The following PCM1 variants were observed in gnomAD, a reference collection of about 807,000 sequenced individuals.
PCM1 encodes the protein pericentriolar material 1, also known as pericentriolar material 1 protein.
Under a neutral mutation model 241.9 loss-of-function variants are expected in PCM1, and 157 were observed. The observed-to-expected ratio is 0.65, with a 90% CI of 0.57 to 0.74. The LOEUF is 0.74. PCM1 is among the 30% of genes least tolerant of loss of function. The pLI is 0.00. For synonymous variants in PCM1, 1,085 were observed against 784.9 expected (o/e 1.38, Z -6.39); for missense variants, 3,478 against 2,360.1 (o/e 1.47, Z -9.81).
chr8:18,000,839 C>T (rs2089127805), intron 29 of PCM1, among the ~76,000 whole-genome samples: 1 of 152,128 alleles, frequency 6.6e-6, no homozygotes, highest in Non-Finnish European at 1.5e-5. Flanking sequence ...ACCACGCTGA[C>T]CTCAAGTGAT....
At chr8:17,986,153 G>T (rs2082512116) in intron 26 of PCM1, 66 bp downstream of exon 26, 1 of 1,136,024 alleles carries the variant, frequency 8.8e-7, no homozygotes, top group Non-Finnish European at 1.2e-6. Context: ...AAGTTAAATA[G>T]ATTATTGTCA....
intron 23 of PCM1, among the ~76,000 whole-genome samples, chr8:17,973,034 C>T (rs1348702850): frequency 6.6e-6 from 1 of 151,956 alleles, no homozygotes; most frequent in Non-Finnish European, 1.5e-5. Flanking sequence ...TTGGTCATGA[C>T]TTTTAGATGG....
chr8:17,963,217 A>G lies in PCM1; in HGVS notation c.2580A>G (p.Ala860=). Residue 860 remains alanine, a synonymous_variant, in exon 17 of 39, where the codon GCA becomes GCG. Transcript: ENST00000325083. ...HQRRQGLAET[A]SPVAVSLRSD... Reference sequence around the variant, plus strand: ...GGAGGCAAGGTCTAGCTGAAACTGCATCTCCAGTGGCTGTGTCATTGAGAA... The same window carrying G: ...GGAGGCAAGGTCTAGCTGAAACTGCGTCTCCAGTGGCTGTGTCATTGAGAA... 1.2e-6 allele frequency: 2 copies of G among 1,613,720 alleles called. No individual in the cohort carries two copies. The highest frequency in any genetic ancestry group is 1.7e-6 in the Non-Finnish European group (2 of 1,179,742).
At position 17,991,833 on chromosome 8, in the gene PCM1, ATTG is replaced by A. The variant is rs2084751286; in HGVS notation, c.4690+136_4690+138del. On this transcript the variant is annotated intron_variant, in intron 28 of 38. Transcript: ENST00000325083. ...GCAGTATACACTGTACCCAGTGTGT[ATTG>A]TTTGATCCCTCACCCCCTTCCCACC... The A allele has an allele frequency of 8.9e-6, 5 of 560,024 alleles. No individual in the cohort carries two copies. The Admixed American group carries it at 1.4e-4, about 16-fold the overall frequency. The allele number at this position is 560,024 out of a possible 1,614,324, so 34.7% of individuals were successfully genotyped here.
In PCM1 at chr8:18,011,167, G is replaced by C. The variant is rs117750791; in HGVS notation, c.5221-70G>C. 8 of 1,024,584 alleles carry C rather than the reference G, an allele frequency of 7.8e-6. No individual in the cohort carries two copies. The African/African-American group carries it at 1.2e-4, about 15-fold the overall frequency. The allele number at this position is 1,024,584 out of a possible 1,614,324, so 63.5% of individuals were successfully genotyped here. A position where few individuals can be genotyped will look rare whatever the true frequency, so the allele number is the denominator to read the frequency against. ...ATTAGATAATGATCATTATTAATAC[G>C]ATAGACTTACTATATACCTTTTACA... On this transcript the variant is annotated intron_variant, in intron 32 of 38. Transcript: ENST00000325083.
At chr8:17,970,088 C>T (rs2285310) in intron 22 of PCM1, among the ~76,000 whole-genome samples, 30,462 of 152,006 alleles carry the variant, frequency 0.2, 3,955 homozygotes, top group East Asian at 0.38. Context: ...GTGATGATCC[C>T]TTTTTTTGAT....
chr8:17,969,004 G>C (rs2075996801), intron 21 of PCM1, among the ~76,000 whole-genome samples: 2 of 151,092 alleles, frequency 1.3e-5, no homozygotes, highest in South Asian at 4.2e-4. Context: ...TACAATTTTT[G>C]TGAAACCTTC....
intron 23 of PCM1, among the ~76,000 whole-genome samples, chr8:17,974,424 C>T (rs532060498): frequency 6.6e-6 from 1 of 152,276 alleles, no homozygotes; most frequent in African/African-American, 2.4e-5. Flanking sequence ...TCTGATAGGG[C>T]AATACTTCAT....
intron 21 of PCM1, among the ~76,000 whole-genome samples, chr8:17,968,750 G>GTA (rs1366784359): frequency 3.2e-5 from 4 of 125,044 alleles, no homozygotes; most frequent in Admixed American, 7.7e-5. Flanking sequence ...GTGTGTGTGT[G>GTA]TGTGTGTGTG....
intron 23 of PCM1, among the ~76,000 whole-genome samples, chr8:17,977,616 C>A (rs2079213903): frequency 6.6e-6 from 1 of 152,088 alleles, no homozygotes; most frequent in Non-Finnish European, 1.5e-5. Context: ...ATTAACCCTT[C>A]CCCTTACCCC....
intron 29 of PCM1, 35 bp from the exon 30 acceptor site, chr8:18,006,228 A>G: frequency 6.6e-7 from 1 of 1,509,452 alleles, no homozygotes; most frequent in Non-Finnish European, 9.0e-7. Context: ...AACAATAGGT[A>G]AGTTTATATT....
rs538970968 is a variant in PCM1, at chr8:17,970,252, G to A, written c.3584+504G>A. On this transcript the variant is annotated intron_variant, in intron 22 of 38. Transcript: ENST00000325083. ...CTTCTGAAACAGAGTTTTTGACTCA[G>A]TGTGAAAGGTTGGCTCCGTTGAACC... Among the ~76,000 whole-genome samples, 12 of 152,220 alleles carry A rather than the reference G, an allele frequency of 7.9e-5. No individual in the cohort carries two copies. The South Asian group carries it at 2.1e-3, about 26-fold the overall frequency.
chr8:18,014,994 A>C lies in PCM1; in HGVS notation c.5841+154A>C, dbSNP rs191604330. On this transcript the variant is annotated intron_variant, in intron 36 of 38. Coordinates refer to ENST00000325083, the MANE Select transcript of PCM1 (RefSeq NM_006197.4). ...CTAATTCACACTTTAACTTTAGCAG[A>C]AGGGTAATAGTGAATTAAGATGACC... 1.5e-3 allele frequency among the ~76,000 whole-genome samples: 231 copies of C among 152,292 alleles called. 2 individuals carry two copies. The highest frequency in any genetic ancestry group is 1.2e-3 in the Non-Finnish European group (84 of 68,028).
At chr8:17,961,950 G>C (rs2072439266) in intron 15 of PCM1, 84 bp from the exon 16 acceptor site, 2 of 1,202,226 alleles carry the variant, frequency 1.7e-6, no homozygotes, top group South Asian at 2.8e-5. Context: ...TAGAGCCTTA[G>C]TGCCATATTT....
At position 17,935,636 on chromosome 8, in the gene PCM1, A is replaced by C. The variant is rs1290277653; in HGVS notation, c.26A>C (p.Glu9Ala). The stretch of plus-strand genomic sequence containing the variant: ...ATGGCCACAGGAGGAGGTCCCTTTG[A>C]AGATGGCATGAATGATCAGGATTTA... MATGGGPF[E>A]DGMNDQDLPN... Residue 9 changes from glutamate to alanine, a missense_variant, in exon 3 of 39, where the codon GAA (glutamate) becomes GCA (alanine). Physicochemically the swap from Glu to Ala is moderately radical, Grantham distance 107 (BLOSUM62 -1). Transcript: ENST00000325083. 6.4e-7 allele frequency: 1 copy of C among 1,555,138 alleles called. No individual in the cohort carries two copies. The highest frequency in any genetic ancestry group is 8.9e-7 in the Non-Finnish European group (1 of 1,126,560).
chr8:17,938,995 A>T lies in PCM1; in HGVS notation c.598A>T (p.Met200Leu), dbSNP rs370989307. ...SEEDGRGEPA[M>L]ESSQIVSRLV... ...AGAAGATGGGAGGGGAGAACCTGCA[A>T]TGGAGAGCAGCCAGGTGATAACGTT... Residue 200 changes from methionine to leucine, a missense_variant, in exon 5 of 39, where the codon ATG becomes TTG. By Grantham distance (15) the Met-to-Leu change is conservative. Coordinates refer to ENST00000325083, the MANE Select transcript of PCM1 (RefSeq NM_006197.4). 1 of 1,613,536 alleles carries T rather than the reference A, an allele frequency of 6.2e-7. No homozygotes were observed. The highest frequency in any genetic ancestry group is 1.3e-5 in the African/African-American group (1 of 74,926).
rs745955021 is a variant in PCM1 at position 17,935,631 on chromosome 8, C to T, written c.21C>T (p.Pro7=). The change falls in exon 3 of 39, where the codon CCC becomes CCT. Residue 7 remains proline, a synonymous_variant. Transcript: ENST00000325083. ...CCAGTATGGCCACAGGAGGAGGTCC[C>T]TTTGAAGATGGCATGAATGATCAGG... The part of the protein sequence containing the change: MATGGG[P]FEDGMNDQDL... The T allele has an allele frequency of 4.5e-6, 7 of 1,546,290 alleles. No individual in the cohort carries two copies. The South Asian group carries it at 7.8e-5, about 17-fold the overall frequency.
rs1289447923 is a variant in PCM1 at position 17,974,325 on chromosome 8, T to G, written c.3943+1638T>G. Among the ~76,000 whole-genome samples the G allele has an allele frequency of 2.0e-5, 3 of 152,214 alleles. No homozygotes were observed. In the East Asian group the frequency reaches 5.8e-4, roughly 29 times the overall value. On this transcript the variant is annotated intron_variant, in intron 23 of 38. Transcript: ENST00000325083. ...CTTTCTATTTCCTAGTGCTTTGCCC[T>G]CACAGAGATGCTCTTTGTCATATAA... is the stretch of plus-strand genomic sequence containing the variant.
chr8:18,003,586 G>A (rs2090326540), intron 29 of PCM1, among the ~76,000 whole-genome samples: 1 of 151,948 alleles, frequency 6.6e-6, no homozygotes, highest in Non-Finnish European at 1.5e-5. Context: ...CTTCATTATA[G>A]CACTTATGAC....
Sources: gnomAD v4.1 joint callset for allele counts (sites outside exome capture counted in the v4.1 genomes callset) on GRCh38, gnomAD v4.1.1 for gene constraint, MANE v1.5 for transcripts, NCBI Gene and HGNC (gene_info 2026-07-23, HGNC 2026-07-21) for gene names.